The following SPRY1 variants were observed in gnomAD, a reference collection of about 807,000 sequenced individuals.
SPRY1 encodes protein sprouty homolog 1.
In SPRY1, 20 loss-of-function variants were observed where a neutral mutation model predicts 22.6. That is an observed-to-expected ratio of 0.89 (90% CI 0.62 to 1.29). The LOEUF is 1.29. SPRY1 is among the 50% of genes most tolerant of loss of function. The pLI is 0.00. For synonymous variants in SPRY1, 155 were observed against 144.7 expected (o/e 1.07, Z -0.51); for missense variants, 446 against 387.7 (o/e 1.15, Z -1.26).
chr4:123,402,221 C>T lies in SPRY1; in HGVS notation c.630C>T (p.Cys210=). 1 of 1,614,220 alleles carries T rather than the reference C, an allele frequency of 6.2e-7. No homozygotes were observed. Among genetic ancestry groups the T allele is most frequent in the Non-Finnish European group, 8.5e-7 (1 of 1,180,036 alleles). ...TGGCCTGTAACCGGCAGTGCCTTTG[C>T]TCTGCTGAGAGCATGGTGGAATATG... ...SCLACNRQCL[C]SAESMVEYGT... is the part of the protein sequence containing the mutation. Residue 210 remains cysteine, a synonymous_variant, in exon 3 of 3, where the codon TGC becomes TGT. Coordinates refer to ENST00000651917, the MANE Select transcript of SPRY1 (RefSeq NM_001258038.2).
rs300573 is a variant in SPRY1, at chr4:123,401,478, C to G, written c.-55-59C>G. On this transcript the variant is annotated intron_variant, in intron 2 of 2. Coordinates refer to ENST00000651917, the MANE Select transcript of SPRY1 (RefSeq NM_001258038.2). Reference sequence around the variant, plus strand: ...GTGATTTGACAGGATTCCCCCCCCCCAAAAAAAATGCTTCCTGTCATTTAT... The same window carrying G: ...GTGATTTGACAGGATTCCCCCCCCCGAAAAAAAATGCTTCCTGTCATTTAT... 2.3e-3 allele frequency: 2,723 copies of G among 1,183,456 alleles called. 68 individuals carry two copies. In the Admixed American group the frequency reaches 0.032, roughly 14 times the overall value. 73.3% of individuals were successfully genotyped at this position (1,183,456 alleles called of 1,614,324 possible). A position where few individuals can be genotyped will look rare whatever the true frequency, so the allele number is the denominator to read the frequency against.
intron 2 of SPRY1, chr4:123,400,183 C>T (rs1469956537): frequency 6.6e-6 from 1 of 151,982 alleles, no homozygotes; most frequent in East Asian, 1.9e-4. Context: ...AGACTAAATC[C>T]CCGCAGGTTA....
chr4:123,398,627 GGA>G (rs1480269767), intron 2 of SPRY1: 1 of 152,022 alleles, frequency 6.6e-6, no homozygotes, highest in Admixed American at 6.6e-5. Flanking sequence ...CAGGACTCCG[GGA>G]GAGGAGGGGA....
chr4:123,401,737 G>A lies in SPRY1; in HGVS notation c.146G>A (p.Gly49Asp), dbSNP rs1725163832. The change falls in exon 3 of 3, where the codon GGC becomes GAC. Residue 49 changes from glycine (G) to aspartate (D), a missense_variant. Physicochemically the swap from Gly to Asp is moderately conservative, Grantham distance 94. Transcript: ENST00000651917. ...LSLDQIKAIR[G>D]SNEYTEGPSV... is the part of the protein sequence containing the mutation. ...TTAGACCAGATCAAGGCCATAAGAG[G>A]CAGCAATGAATACACAGAAGGGCCT... 1.9e-6 allele frequency: 3 copies of A among 1,614,128 alleles called. No homozygotes were observed. The highest frequency in any genetic ancestry group is 2.5e-6 in the Non-Finnish European group (3 of 1,180,040).
In SPRY1 at chr4:123,401,730, A is replaced by AT; in HGVS notation, c.140dup (p.Arg48LysfsTer5). ...TTTGTCCTTAGACCAGATCAAGGCC[A>AT]TAAGAGGCAGCAATGAATACACAGA... On this transcript the variant is annotated frameshift_variant, in exon 3 of 3. Transcript: ENST00000651917. LOFTEE classifies it high-confidence loss of function. The AT allele has an allele frequency of 6.2e-7, 1 of 1,614,224 alleles. No homozygotes were observed. The highest frequency in any genetic ancestry group is 8.5e-7 in the Non-Finnish European group (1 of 1,180,034).
In SPRY1 at chr4:123,401,885, A is replaced by G; in HGVS notation, c.294A>G (p.Gly98=). ...AGCACAGACACACAAGCCACCTGGG[A>G]CATGCAGTACTCCCAAGTAATGCCA... is the stretch of plus-strand genomic sequence containing the variant. ...NYEHRHTSHL[G]HAVLPSNARG... Residue 98 remains glycine, a synonymous_variant, in exon 3 of 3, where the codon GGA becomes GGG. Coordinates refer to ENST00000651917, the MANE Select transcript of SPRY1 (RefSeq NM_001258038.2). The G allele has an allele frequency of 1.9e-6, 3 of 1,614,188 alleles. No homozygotes were observed.
At position 123,397,806 on chromosome 4, in the gene SPRY1, A is replaced by C. The variant is rs1724972117; in HGVS notation, c.-106A>C. ...TTCTCTCTCCGAGAAGGATCCCCAAACCTCACTCTCTTCACTCCTCCCCGC... is the reference window on the plus strand; with the variant it reads ...TTCTCTCTCCGAGAAGGATCCCCAACCCTCACTCTCTTCACTCCTCCCCGC... On this transcript the variant is annotated 5_prime_UTR_variant, in exon 2 of 3. Coordinates refer to ENST00000651917, the MANE Select transcript of SPRY1 (RefSeq NM_001258038.2). The C allele has an allele frequency of 6.8e-6, 1 of 147,708 alleles. No homozygotes were observed. 9.1% of individuals were successfully genotyped at this position (147,708 alleles called of 1,614,324 possible).
rs3060462 is a variant in SPRY1, at chr4:123,403,087, CCTT to C, written c.*540_*542del. On this transcript the variant is annotated 3_prime_UTR_variant, in exon 3 of 3. Coordinates refer to ENST00000651917, the MANE Select transcript of SPRY1 (RefSeq NM_001258038.2). ...AATTTTCCTTTAACCACTGCCCTCT[CCTT>C]CTTTCTCCTTCAAGGTTCTTTCCCC... The C allele has an allele frequency of 0.49, 157,142 of 321,440 alleles. 41,726 individuals are homozygous for C. Among genetic ancestry groups the C allele is most frequent in the Non-Finnish European group, 0.56 (95,641 of 169,540 alleles). 19.9% of individuals were successfully genotyped at this position (321,440 alleles called of 1,614,324 possible). A position where few individuals can be genotyped will look rare whatever the true frequency, so the allele number is the denominator to read the frequency against.
intron 1 of SPRY1, among the ~76,000 whole-genome samples, chr4:123,397,134 C>T (rs1724943867): frequency 6.6e-6 from 1 of 152,150 alleles, no homozygotes; most frequent in South Asian, 2.1e-4. Context: ...AAGCAGGGTC[C>T]CTTTCACCTT....
chr4:123,403,208 T>A lies in SPRY1; in HGVS notation c.*657T>A, dbSNP rs1400280768. 1 of 173,094 alleles carries A rather than the reference T, an allele frequency of 5.8e-6. No homozygotes were observed. Among genetic ancestry groups the A allele is most frequent in the Non-Finnish European group, 1.4e-5 (1 of 72,360 alleles). 10.7% of individuals were successfully genotyped at this position (173,094 alleles called of 1,614,324 possible). A position where few individuals can be genotyped will look rare whatever the true frequency, so the allele number is the denominator to read the frequency against. On this transcript the variant is annotated 3_prime_UTR_variant, in exon 3 of 3. Coordinates refer to ENST00000651917, the MANE Select transcript of SPRY1 (RefSeq NM_001258038.2). ...TCGCCTTACAATGTAAATCTTCACA[T>A]TGGAGATAATATTGGTTGGACCTTG...
Position 123,401,997 on chromosome 4 carries a change from T to C in SPRY1, c.406T>C (p.Leu136=). ...CAGTGCCTCTTCTGAACAGGGACTG[T>C]TAGGAAGGTCACCACCAACCAGACC... The part of the protein sequence containing the change: ...NSSASSEQGL[L]GRSPPTRPVP... The change falls in exon 3 of 3, where the codon TTA becomes CTA. Residue 136 remains leucine, a synonymous_variant. Transcript: ENST00000651917. The C allele has an allele frequency of 6.2e-7, 1 of 1,614,104 alleles. No homozygotes were observed.
At position 123,402,391 on chromosome 4, in the gene SPRY1, T is replaced by C; in HGVS notation, c.800T>C (p.Leu267Ser). ...TGTATGGGAGCCATGTCTTTATTTT[T>C]ACCTTGCTTACTCTGTTATCCTCCT... ...YLCMGAMSLF[L>S]PCLLCYPPAK... The change falls in exon 3 of 3, where the codon TTA becomes TCA. Residue 267 changes from leucine to serine, a missense_variant. Leu to Ser is a moderately radical substitution (Grantham distance 145, BLOSUM62 -2). Transcript: ENST00000651917. The C allele has an allele frequency of 6.2e-7, 1 of 1,614,210 alleles. No individual in the cohort carries two copies. The highest frequency in any genetic ancestry group is 1.1e-5 in the South Asian group (1 of 91,084).
In SPRY1 at chr4:123,401,533, T is replaced by C; in HGVS notation, c.-55-4T>C. The C allele has an allele frequency of 1.9e-6, 3 of 1,554,252 alleles. No homozygotes were observed. Among genetic ancestry groups the C allele is most frequent in the Non-Finnish European group, 2.6e-6 (3 of 1,151,160 alleles). ...TGTTTTTTTCATCTTTGATTTCGTTTTAGGATTTCAGATGCATGCCAGGTT... is the reference window on the plus strand; with the variant it reads ...TGTTTTTTTCATCTTTGATTTCGTTCTAGGATTTCAGATGCATGCCAGGTT... On this transcript the variant is annotated splice_polypyrimidine_tract_variant and splice_region_variant and intron_variant, in intron 2 of 2. Coordinates refer to ENST00000651917, the MANE Select transcript of SPRY1 (RefSeq NM_001258038.2).
intron 2 of SPRY1, chr4:123,400,178 A>G (rs890338455): frequency 5.3e-5 from 8 of 152,212 alleles, no homozygotes; most frequent in African/African-American, 1.9e-4. Flanking sequence ...CTCCGAGACT[A>G]AATCCCCGCA....
Position 123,402,204 on chromosome 4 carries a change from A to C in SPRY1, c.613A>C (p.Asn205His), listed in dbSNP as rs759152061. Residue 205 changes from asparagine to histidine, a missense_variant, in exon 3 of 3, where the codon AAC (asparagine) becomes CAC (histidine). Transcript: ENST00000651917. ...GACCCTACCATCCTGTTTGGCCTGT[A>C]ACCGGCAGTGCCTTTGCTCTGCTGA... Reference protein sequence around the residue: ...PRTLPSCLACNRQCLCSAESM... With the variant: ...PRTLPSCLACHRQCLCSAESM... 1.2e-6 allele frequency: 2 copies of C among 1,614,236 alleles called. No homozygotes were observed. Among genetic ancestry groups the C allele is most frequent in the Non-Finnish European group, 1.7e-6 (2 of 1,180,030 alleles).
chr4:123,403,133 C>T lies in SPRY1; in HGVS notation c.*582C>T, dbSNP rs1024459780. ...CTTTCCCCCTCAGTTTTGTTGTTGT[C>T]TTACTCTGGAGATGCCAAGTGTATT... On this transcript the variant is annotated 3_prime_UTR_variant, in exon 3 of 3. Transcript: ENST00000651917. The T allele has an allele frequency of 7.7e-6, 2 of 260,312 alleles. No individual in the cohort carries two copies. The highest frequency in any genetic ancestry group is 4.4e-5 in the African/African-American group (2 of 45,020). 16.1% of individuals were successfully genotyped at this position (260,312 alleles called of 1,614,324 possible). A position where few individuals can be genotyped will look rare whatever the true frequency, so the allele number is the denominator to read the frequency against.
At chr4:123,400,279 A>G (rs1167923397) in intron 2 of SPRY1, 1 of 152,232 alleles carries the variant, frequency 6.6e-6, no homozygotes, top group Non-Finnish European at 1.5e-5. Flanking sequence ...GGGGAGCTCC[A>G]AGAAGTTAAC....
At position 123,402,659 on chromosome 4, in the gene SPRY1, C is replaced by A; in HGVS notation, c.*108C>A. 2 of 1,389,848 alleles carry A rather than the reference C, an allele frequency of 1.4e-6. No homozygotes were observed. Among genetic ancestry groups the A allele is most frequent in the Non-Finnish European group, 1.9e-6 (2 of 1,027,168 alleles). 86.1% of individuals were successfully genotyped at this position (1,389,848 alleles called of 1,614,324 possible). A position where few individuals can be genotyped will look rare whatever the true frequency, so the allele number is the denominator to read the frequency against. On this transcript the variant is annotated 3_prime_UTR_variant, in exon 3 of 3. Coordinates refer to ENST00000651917, the MANE Select transcript of SPRY1 (RefSeq NM_001258038.2). ...TTTAGAATTTTTCCCTGTTTCCCAC[C>A]TTCTCTTCCCCTGTTGCCAAGGTCT...
In SPRY1 at chr4:123,402,583, T is replaced by C. The variant is rs300574; in HGVS notation, c.*32T>C. 979,711 of 1,544,964 alleles carry C rather than the reference T, an allele frequency of 0.63. 320,597 individuals carry two copies. The highest frequency in any genetic ancestry group is 0.68 in the Non-Finnish European group (781,137 of 1,146,532). ...GAGGTGGGTTGTACCTCCTGAACTT[T>C]TAGCTTTCAAGTTGTGGCTGTTTTT... On this transcript the variant is annotated 3_prime_UTR_variant, in exon 3 of 3. Coordinates refer to ENST00000651917, the MANE Select transcript of SPRY1 (RefSeq NM_001258038.2).
Sources: allele counts gnomAD v4.1 joint callset (sites outside exome capture counted in the v4.1 genomes callset), GRCh38; gene constraint gnomAD v4.1.1; transcripts MANE v1.5; gene names NCBI Gene and HGNC (gene_info 2026-07-23, HGNC 2026-07-21).